PAQR5: variants seen among roughly 807,000 people sequenced by gnomAD.
The protein encoded by PAQR5 is membrane progestin receptor gamma.
Under a neutral mutation model 34.5 loss-of-function variants are expected in PAQR5, and 20 were observed. The observed-to-expected ratio is 0.58, with a 90% CI of 0.41 to 0.84. PAQR5 has a LOEUF of 0.84. Among genes scored for constraint, PAQR5 ranks in the 40% least tolerant of loss-of-function variants. PAQR5 has a pLI of 0.00. For missense variants in PAQR5, 378 were observed against 412.7 expected (o/e 0.92, Z 0.73); for synonymous variants, 131 against 155.6 (o/e 0.84, Z 1.18).
intron 6 of PAQR5, chr15:69,391,086 A>T (rs1264275477): frequency 6.6e-6 from 1 of 152,542 alleles, no homozygotes; most frequent in African/African-American, 2.4e-5. Flanking sequence ...GGTACATCTG[A>T]GTTCTCTGTC....
intron 1 of PAQR5, among the ~76,000 whole-genome samples, chr15:69,322,761 GA>G: frequency 4.2e-5 from 2 of 47,918 alleles, no homozygotes; most frequent in Non-Finnish European, 8.7e-5. Flanking sequence ...AGAAGAAGAA[GA>G]AGAAGAAGAG....
chr15:69,331,621 C>G (rs995650518), intron 1 of PAQR5, among the ~76,000 whole-genome samples: 1 of 152,074 alleles, frequency 6.6e-6, no homozygotes, highest in African/African-American at 2.4e-5. Context: ...ACAGGCCTGT[C>G]TCTCGGGGTG....
intron 2 of PAQR5, among the ~76,000 whole-genome samples, chr15:69,356,765 A>C (rs774374602): frequency 1.3e-5 from 2 of 152,206 alleles, no homozygotes; most frequent in Non-Finnish European, 2.9e-5. Context: ...GGCTCACTTC[A>C]CTTAGCTTAA....
chr15:69,367,432 T>G (rs970080134), intron 3 of PAQR5, among the ~76,000 whole-genome samples: 7 of 152,202 alleles, frequency 4.6e-5, no homozygotes, highest in African/African-American at 1.7e-4. Flanking sequence ...AATTACCCCA[T>G]ATAGCTCGGT....
chr15:69,370,455 C>G (rs900811608), intron 3 of PAQR5, among the ~76,000 whole-genome samples: 2 of 152,184 alleles, frequency 1.3e-5, no homozygotes, highest in African/African-American at 2.4e-5. Context: ...ATGAAGCCAA[C>G]AAACAGTTAT....
intron 1 of PAQR5, among the ~76,000 whole-genome samples, chr15:69,309,412 GGA>G (rs1555412154): frequency 6.6e-6 from 1 of 152,154 alleles, no homozygotes; most frequent in Non-Finnish European, 1.5e-5. Flanking sequence ...GCTATGAGGA[GGA>G]ACCAGACTTA....
chr15:69,362,927 G>C (rs2055278790), intron 3 of PAQR5, among the ~76,000 whole-genome samples: 1 of 152,144 alleles, frequency 6.6e-6, no homozygotes, highest in African/African-American at 2.4e-5. Flanking sequence ...CTCCCCAGGA[G>C]ATGCAACCTT....
At chr15:69,328,877 G>C (rs12438120) in intron 1 of PAQR5, among the ~76,000 whole-genome samples, 5,262 of 152,310 alleles carry the variant, frequency 0.035, 193 homozygotes, top group East Asian at 0.15. Context: ...CTTCTCCCTG[G>C]ATCACACCTG....
intron 3 of PAQR5, among the ~76,000 whole-genome samples, chr15:69,378,436 CAAAAAAAAAAA>C (rs1235264927): frequency 3.8e-5 from 2 of 52,528 alleles, no homozygotes; most frequent in African/African-American, 9.2e-5. Context: ...GACCCTGTCT[CAAAAAAAAAAA>C]AAAAAAAAAA....
chr15:69,359,507 G>A (rs956020660), intron 2 of PAQR5, among the ~76,000 whole-genome samples: 5 of 152,046 alleles, frequency 3.3e-5, no homozygotes, highest in Non-Finnish European at 7.3e-5. Flanking sequence ...CGAGCAGGGG[G>A]TATGTAACTG....
intron 2 of PAQR5, among the ~76,000 whole-genome samples, chr15:69,356,967 A>T (rs1482564885): frequency 2.0e-5 from 3 of 151,844 alleles, no homozygotes; most frequent in Non-Finnish European, 4.4e-5. Context: ...TCATGGGGGC[A>T]GATCCCTCGT....
At chr15:69,305,409 G>A (rs1394877732) in intron 1 of PAQR5, among the ~76,000 whole-genome samples, 1 of 152,098 alleles carries the variant, frequency 6.6e-6, no homozygotes, top group Non-Finnish European at 1.5e-5. Context: ...AACACGTGGG[G>A]TGTGCAAGGA....
intron 3 of PAQR5, among the ~76,000 whole-genome samples, chr15:69,376,403 G>T (rs2055708395): frequency 6.6e-6 from 1 of 152,204 alleles, no homozygotes; most frequent in Non-Finnish European, 1.5e-5. Flanking sequence ...CTTTGCTAAG[G>T]CTAGAGTGGG....
chr15:69,345,706 T>G (rs1438593639), intron 2 of PAQR5, among the ~76,000 whole-genome samples: 1 of 152,220 alleles, frequency 6.6e-6, no homozygotes, highest in Non-Finnish European at 1.5e-5. Context: ...TTGAAGCTAT[T>G]TAAAACTTAT....
At chr15:69,318,731 G>GT (rs1197340264) in intron 1 of PAQR5, among the ~76,000 whole-genome samples, 4 of 151,882 alleles carry the variant, frequency 2.6e-5, no homozygotes, top group Non-Finnish European at 5.9e-5. Flanking sequence ...TATATACTAT[G>GT]TTTTTTCCTG....
At chr15:69,305,747 G>A (rs116208813) in intron 1 of PAQR5, among the ~76,000 whole-genome samples, 238 of 152,058 alleles carry the variant, frequency 1.6e-3, no homozygotes, top group African/African-American at 5.4e-3. Flanking sequence ...GTTGTTAGAC[G>A]CAAGGGCACG....
At chr15:69,336,571 C>T (rs560142440) in intron 1 of PAQR5, among the ~76,000 whole-genome samples, 1 of 152,272 alleles carries the variant, frequency 6.6e-6, no homozygotes, top group South Asian at 2.1e-4. Flanking sequence ...TGTGGCTACC[C>T]TATAATGTTT....
intron 2 of PAQR5, among the ~76,000 whole-genome samples, chr15:69,348,102 C>T (rs1303440045): frequency 6.6e-6 from 1 of 150,544 alleles, no homozygotes; most frequent in African/African-American, 2.5e-5. Context: ...GACCTTCAGG[C>T]AAACCAGAAA....
At chr15:69,317,277 G>T (rs2053975620) in intron 1 of PAQR5, among the ~76,000 whole-genome samples, 1 of 152,208 alleles carries the variant, frequency 6.6e-6, no homozygotes, top group South Asian at 2.1e-4. Context: ...CACACCAGGG[G>T]GAGTGGTTGG....
Sources: gnomAD v4.1 joint callset for allele counts (sites outside exome capture counted in the v4.1 genomes callset) on GRCh38, gnomAD v4.1.1 for gene constraint, MANE v1.5 for transcripts, NCBI Gene and HGNC (gene_info 2026-07-23, HGNC 2026-07-21) for gene names.